AGMO: variants seen among roughly 807,000 people sequenced by gnomAD.
AGMO encodes the protein alkylglycerol monooxygenase.
In AGMO, 75 loss-of-function variants were observed where a neutral mutation model predicts 60.2. The observed-to-expected ratio is 1.25, with a 90% confidence interval of 1.03 to 1.51. The LOEUF (loss-of-function observed/expected upper bound fraction) is 1.51. Ranked by LOEUF, AGMO falls within the 40% of genes most tolerant of loss-of-function variation. The pLI, the probability that AGMO is intolerant of heterozygous loss-of-function variation, is 0.00. For missense variants in AGMO, 763 were observed against 525.5 expected (o/e 1.45, Z -4.42); for synonymous variants, 261 against 177.1 (o/e 1.47, Z -3.76).
the AGMO span, among the ~76,000 whole-genome samples, chr7:15,139,644 G>A: frequency 6.6e-6 from 1 of 151,498 alleles, no homozygotes; most frequent in South Asian, 2.1e-4. Context: ...CTGATGGCCA[G>A]GTATTAGAGT....
intron 12 of AGMO, among the ~76,000 whole-genome samples, chr7:15,337,702 G>A (rs549421937): frequency 7.2e-5 from 11 of 152,298 alleles, no homozygotes; most frequent in Admixed American, 1.3e-4. Flanking sequence ...ATGCAAAGCA[G>A]CATCAGTCAA....
At chr7:15,314,175 G>T (rs1410918051) in intron 12 of AGMO, among the ~76,000 whole-genome samples, 5 of 152,022 alleles carry the variant, frequency 3.3e-5, no homozygotes, top group African/African-American at 7.2e-5. Context: ...TACATCCGGG[G>T]TGAGACTGAG....
intron 3 of AGMO, among the ~76,000 whole-genome samples, chr7:15,508,617 T>A (rs1446368395): frequency 1.3e-5 from 2 of 152,000 alleles, no homozygotes; most frequent in Non-Finnish European, 2.9e-5. Context: ...GAGAAACAGA[T>A]GCCAGGGAAA....
At chr7:15,517,427 C>T (rs1328700629) in intron 3 of AGMO, among the ~76,000 whole-genome samples, 3 of 151,078 alleles carry the variant, frequency 2.0e-5, no homozygotes, top group African/African-American at 7.3e-5. Flanking sequence ...GAGACCAATG[C>T]AGAAGGTGGG....
At chr7:15,388,852 G>T (rs7806815) in intron 8 of AGMO, among the ~76,000 whole-genome samples, 201 of 152,270 alleles carry the variant, frequency 1.3e-3, no homozygotes, top group African/African-American at 4.6e-3. Context: ...TTCTGACAAT[G>T]TAAGTAAACA....
the AGMO span, among the ~76,000 whole-genome samples, chr7:15,129,167 T>G: frequency 2.6e-5 from 4 of 152,188 alleles, no homozygotes; most frequent in South Asian, 6.2e-4. Flanking sequence ...CATCAAAGTA[T>G]GATTGCTACA....
chr7:15,376,519 T>A (rs1037559486), intron 10 of AGMO, among the ~76,000 whole-genome samples: 1 of 152,256 alleles, frequency 6.6e-6, no homozygotes, highest in Non-Finnish European at 1.5e-5. Flanking sequence ...CAAATTTATA[T>A]TGGATACTCT....
At position 15,541,719 on chromosome 7, in the gene AGMO, C is replaced by T. The variant is rs990714087; in HGVS notation, c.409+3053G>A. Among the ~76,000 whole-genome samples the T allele has an allele frequency of 1.1e-4, 17 of 152,012 alleles. 1 individual carries two copies. The highest frequency in any genetic ancestry group is 1.0e-3 in the South Asian group (5 of 4,824). ...ACTGTCCCATAACTGTGAGAAAATG[C>T]GACATATATGCAACACAAACAAATG... On this transcript the variant is annotated intron_variant, in intron 3 of 12. Transcript: ENST00000342526.
intron 3 of AGMO, among the ~76,000 whole-genome samples, chr7:15,468,792 C>T (rs1782362831): frequency 6.6e-6 from 1 of 151,958 alleles, no homozygotes; most frequent in African/African-American, 2.4e-5. Flanking sequence ...AGCTTGTGCA[C>T]GTTTGTGGAT....
At chr7:15,335,418 T>C (rs1304835128) in intron 12 of AGMO, among the ~76,000 whole-genome samples, 3 of 152,208 alleles carry the variant, frequency 2.0e-5, no homozygotes. Context: ...ATATTTCTTC[T>C]GTCATAGTGG....
At chr7:15,324,117 T>G (rs1415810251) in intron 12 of AGMO, among the ~76,000 whole-genome samples, 2 of 152,168 alleles carry the variant, frequency 1.3e-5, no homozygotes, top group African/African-American at 4.8e-5. Context: ...AGCCAATGTT[T>G]CCATCAGACA....
intron 4 of AGMO, among the ~76,000 whole-genome samples, chr7:15,427,223 T>C (rs1781090851): frequency 2.0e-5 from 3 of 152,216 alleles, no homozygotes; most frequent in Non-Finnish European, 1.5e-5. Context: ...AGATACATAA[T>C]GTATAGTGGC....
At chr7:15,314,742 G>A (rs1049210471) in intron 12 of AGMO, among the ~76,000 whole-genome samples, 1 of 152,034 alleles carries the variant, frequency 6.6e-6, no homozygotes, top group Non-Finnish European at 1.5e-5. Context: ...ATGACTTTGG[G>A]ACTTTGCAGA....
At chr7:15,333,277 T>C (rs543745612) in intron 12 of AGMO, among the ~76,000 whole-genome samples, 1 of 152,190 alleles carries the variant, frequency 6.6e-6, no homozygotes, top group African/African-American at 2.4e-5. Flanking sequence ...CTTCCCTTCT[T>C]CCCCACACAC....
intron 12 of AGMO, among the ~76,000 whole-genome samples, chr7:15,277,445 T>C (rs866904220): frequency 3.3e-5 from 5 of 152,214 alleles, no homozygotes; most frequent in Non-Finnish European, 7.3e-5. Context: ...TTCAGATTTC[T>C]CATAGTCCCA....
intron 12 of AGMO, among the ~76,000 whole-genome samples, chr7:15,365,168 G>A (rs1003531776): frequency 1.3e-5 from 2 of 151,496 alleles, no homozygotes; most frequent in African/African-American, 4.9e-5. Flanking sequence ...AATCTCAAAC[G>A]GCAGAGTCTC....
At chr7:15,480,356 A>G (rs1782717860) in intron 3 of AGMO, among the ~76,000 whole-genome samples, 1 of 152,166 alleles carries the variant, frequency 6.6e-6, no homozygotes, top group Admixed American at 6.5e-5. Context: ...AGTTGAATGT[A>G]ACTTCTACAG....
chr7:15,529,555 G>C (rs1341854650), intron 3 of AGMO, among the ~76,000 whole-genome samples: 3 of 105,100 alleles, frequency 2.9e-5, no homozygotes, highest in Admixed American at 2.2e-4. Context: ...TATATATATA[G>C]AATATATATT....
the AGMO span, among the ~76,000 whole-genome samples, chr7:15,157,217 G>A: frequency 2.0e-5 from 3 of 152,084 alleles, no homozygotes; most frequent in South Asian, 4.1e-4. Context: ...TTTGAAGCAG[G>A]CACTCTTACT....
Sources: gnomAD v4.1 joint callset for allele counts (sites outside exome capture counted in the v4.1 genomes callset) on GRCh38, gnomAD v4.1.1 for gene constraint, MANE v1.5 for transcripts, NCBI Gene and HGNC (gene_info 2026-07-23, HGNC 2026-07-21) for gene names.